The following STK10 variants were observed in gnomAD, a reference collection of about 807,000 sequenced individuals.
STK10 encodes serine/threonine-protein kinase 10.
STK10 carries 78 observed loss-of-function variants against 113.8 expected under a neutral mutation model. That is an observed-to-expected ratio of 0.69 (90% CI 0.57 to 0.83). The LOEUF (loss-of-function observed/expected upper bound fraction) is 0.83. Ranked by LOEUF, STK10 falls within the 40% of genes least tolerant of loss-of-function variation. The pLI is 0.00. For synonymous variants in STK10, 465 were observed against 494.7 expected (o/e 0.94, Z 0.80); for missense variants, 1,109 against 1,280.1 (o/e 0.87, Z 2.04).
At chr5:172,099,399 G>A (rs1394336502) in intron 7 of STK10, among the ~76,000 whole-genome samples, 1 of 152,076 alleles carries the variant, frequency 6.6e-6, no homozygotes, top group Non-Finnish European at 1.5e-5. Context: ...AAATTAGCTG[G>A]GCATGGTGGT....
chr5:172,170,261 T>G (rs1581189468), intron 1 of STK10, among the ~76,000 whole-genome samples: 1 of 152,092 alleles, frequency 6.6e-6, no homozygotes, highest in Non-Finnish European at 1.5e-5. Context: ...AGAAGTCGAC[T>G]TTCTCCATAA....
At chr5:172,059,076 A>T (rs1352578944) in intron 14 of STK10, among the ~76,000 whole-genome samples, 1 of 151,308 alleles carries the variant, frequency 6.6e-6, no homozygotes, top group African/African-American at 2.4e-5. Flanking sequence ...ACAAAAAAAA[A>T]AAAATTAGCT....
At chr5:172,079,574 T>TTTATTTATTTATTTA (rs376382909) in intron 12 of STK10, among the ~76,000 whole-genome samples, 2,118 of 147,672 alleles carry the variant, frequency 0.014, 24 homozygotes, top group Non-Finnish European at 0.021. Flanking sequence ...TATTTATTTA[T>TTTATTTATTTATTTA]TTTTGAGATG....
chr5:172,182,656 C>A (rs1014418167), intron 1 of STK10, among the ~76,000 whole-genome samples: 7 of 150,686 alleles, frequency 4.6e-5, no homozygotes, highest in Non-Finnish European at 1.0e-4. Context: ...CAATTTCAAG[C>A]GATTCTCTTG....
At position 172,044,941 on chromosome 5, in the gene STK10, G is replaced by T. The variant is rs1156582570; in HGVS notation, c.2848C>A (p.Pro950Thr). The change falls in exon 19 of 19, where the codon CCC becomes ACC. Residue 950 changes from proline (P) to threonine (T), a missense_variant. Transcript: ENST00000176763. This position sits in a 1 kb window ranked among gnomAD's most constrained non-coding sequence, Gnocchi z 4.5. ...KLSEEAECPN[P>T]STPSKAAKFF... ...TTGGCGGCCTTGCTTGGGGTGGAGG[G>T]GTTTGGGCACTCCGCCTCCTCGCTC... is the stretch of plus-strand genomic sequence containing the variant. 6.2e-7 allele frequency: 1 copy of T among 1,614,084 alleles called. No homozygotes were observed. The highest frequency in any genetic ancestry group is 8.5e-7 in the Non-Finnish European group (1 of 1,180,036).
chr5:172,093,305 C>G lies in STK10; in HGVS notation c.1554+107G>C. On this transcript the variant is annotated intron_variant, in intron 9 of 18. Transcript: ENST00000176763. The surrounding 1 kb of genome is among the most constrained non-coding windows in gnomAD (Gnocchi z 4.1). ...TCAAACCCAAAACCCCCTAATGAAC[C>G]ACTTAAAATGCAAGGAAGCCCCTAA... 4 of 1,234,538 alleles carry G rather than the reference C, an allele frequency of 3.2e-6. No individual in the cohort carries two copies. The highest frequency in any genetic ancestry group is 4.5e-6 in the Non-Finnish European group (4 of 886,898). 76.5% of individuals were successfully genotyped at this position (1,234,538 alleles called of 1,614,324 possible).
intron 8 of STK10, 108 bp from the exon 9 acceptor site, chr5:172,094,068 G>T: frequency 1.1e-6 from 1 of 883,140 alleles, no homozygotes. Context: ...AAGTGGGCCA[G>T]CGCCAAGAAA....
chr5:172,059,748 C>T (rs1024141304), intron 14 of STK10, among the ~76,000 whole-genome samples: 3 of 152,148 alleles, frequency 2.0e-5, no homozygotes, highest in African/African-American at 7.2e-5. Flanking sequence ...CTCCAGAAAG[C>T]CTCATTCTGT....
chr5:172,064,831 A>G lies in STK10; in HGVS notation c.1990-19T>C. Reference sequence around the variant, plus strand: ...TCTTCACCTGCAGCAGAGACAGCAGAGAGTAGCTGGGTCAGGGTCCTCTCC... The same window carrying G: ...TCTTCACCTGCAGCAGAGACAGCAGGGAGTAGCTGGGTCAGGGTCCTCTCC... On this transcript the variant is annotated intron_variant, in intron 12 of 18. Coordinates refer to ENST00000176763, the MANE Select transcript of STK10 (RefSeq NM_005990.4). 2 of 1,613,702 alleles carry G rather than the reference A, an allele frequency of 1.2e-6. No homozygotes were observed. The highest frequency in any genetic ancestry group is 1.7e-6 in the Non-Finnish European group (2 of 1,179,868).
Position 172,103,032 on chromosome 5 carries a change from A to G in STK10, c.870+2624T>C, listed in dbSNP as rs181887825. ...GGAGTCAATGAATGAATCACAAACC[A>G]ATGGGGGCGTGAATCACTCCGCCCA... On this transcript the variant is annotated intron_variant, in intron 7 of 18. Coordinates refer to ENST00000176763, the MANE Select transcript of STK10 (RefSeq NM_005990.4). Among the ~76,000 whole-genome samples, 593 of 152,290 alleles carry G rather than the reference A, an allele frequency of 3.9e-3. 1 individual carries two copies. The highest frequency in any genetic ancestry group is 4.2e-3 in the Non-Finnish European group (289 of 68,022).
At chr5:172,111,145 G>C (rs1769228632) in intron 4 of STK10, among the ~76,000 whole-genome samples, 1 of 152,094 alleles carries the variant, frequency 6.6e-6, no homozygotes, top group African/African-American at 2.4e-5. Flanking sequence ...GGCTCCCCTG[G>C]GCCTCCAGGG....
At chr5:172,173,449 G>C (rs1770696931) in intron 1 of STK10, among the ~76,000 whole-genome samples, 1 of 152,202 alleles carries the variant, frequency 6.6e-6, no homozygotes, top group African/African-American at 2.4e-5. Flanking sequence ...TTTCCAGGAA[G>C]GAGAGTGAAG....
chr5:172,069,668 A>C (rs1768136118), intron 12 of STK10, among the ~76,000 whole-genome samples: 1 of 152,246 alleles, frequency 6.6e-6, no homozygotes, highest in African/African-American at 2.4e-5. Flanking sequence ...TGTGAAACAA[A>C]AGCTGACAGA....
At chr5:172,066,410 T>C (rs980945515) in intron 12 of STK10, among the ~76,000 whole-genome samples, 2 of 152,090 alleles carry the variant, frequency 1.3e-5, no homozygotes, top group Admixed American at 6.5e-5. Flanking sequence ...GCTAAAACTC[T>C]GTAAGAAACC....
At chr5:172,059,434 C>CAAAAAAAAAAAAAAAAAAAAAAAAAA in intron 14 of STK10, among the ~76,000 whole-genome samples, 1 of 57,004 alleles carries the variant, frequency 1.8e-5, no homozygotes, top group Non-Finnish European at 3.8e-5. Flanking sequence ...CTCTCCATCT[C>CAAAAAAAAAAAAAAAAAAAAAAAAAA]AAAAAAAAAA....
chr5:172,050,049 C>T (rs1176500946), intron 18 of STK10, among the ~76,000 whole-genome samples: 3 of 152,348 alleles, frequency 2.0e-5, no homozygotes, highest in East Asian at 1.9e-4. Context: ...GTGATCCACC[C>T]GCCTTGGCCT....
At position 172,105,481 on chromosome 5, in the gene STK10, G is replaced by A. The variant is rs1769079002; in HGVS notation, c.870+175C>T. ...GGTCTGGGTGGCTTCGTTCCCCAAGGCACTCCCAACACAGAGCTGGCATTC... is the reference window on the plus strand; with the variant it reads ...GGTCTGGGTGGCTTCGTTCCCCAAGACACTCCCAACACAGAGCTGGCATTC... On this transcript the variant is annotated intron_variant, in intron 7 of 18. Transcript: ENST00000176763. The A allele has an allele frequency of 1.1e-5, 7 of 659,286 alleles. No homozygotes were observed. The East Asian group carries it at 1.9e-4, about 18-fold the overall frequency. 40.8% of individuals were successfully genotyped at this position (659,286 alleles called of 1,614,324 possible). A position where few individuals can be genotyped will look rare whatever the true frequency, so the allele number is the denominator to read the frequency against.
chr5:172,054,608 C>A lies in STK10; in HGVS notation c.2613G>T (p.Ala871=), dbSNP rs763279035. 1.2e-6 allele frequency: 2 copies of A among 1,609,958 alleles called. No homozygotes were observed. Among genetic ancestry groups the A allele is most frequent in the East Asian group, 4.5e-5 (2 of 44,882 alleles). Reference sequence around the variant, plus strand: ...GCTCGCTCATGTTGCTCTCACACTGCGCCAGCATGTCCCGCATCTGGTTCT... The same window carrying A: ...GCTCGCTCATGTTGCTCTCACACTGAGCCAGCATGTCCCGCATCTGGTTCT... ...KHENQMRDML[A]QCESNMSELQ... is the part of the protein sequence containing the mutation. Residue 871 remains alanine, a synonymous_variant, in exon 17 of 19, where the codon GCG becomes GCT. Transcript: ENST00000176763.
chr5:172,171,298 G>A (rs1770661068), intron 1 of STK10, among the ~76,000 whole-genome samples: 1 of 152,100 alleles, frequency 6.6e-6, no homozygotes, highest in Non-Finnish European at 1.5e-5. Context: ...GTGCCCCTGA[G>A]GGGACTTCTT....
Sources: allele counts gnomAD v4.1 joint callset (sites outside exome capture counted in the v4.1 genomes callset), GRCh38; gene constraint gnomAD v4.1.1; non-coding constraint Gnocchi (gnomAD v3.1); transcripts MANE v1.5; gene names NCBI Gene and HGNC (gene_info 2026-07-23, HGNC 2026-07-21).